RRAGC: variants seen among roughly 807,000 people sequenced by gnomAD.
The protein encoded by RRAGC is Ras related GTP binding C.
A neutral mutation model predicts 37.1 loss-of-function variants in RRAGC; 8 were observed. The observed-to-expected ratio is 0.22, with a 90% CI of 0.13 to 0.39. The LOEUF (loss-of-function observed/expected upper bound fraction) is 0.39. RRAGC is among the 10% of genes least tolerant of loss of function. RRAGC has a pLI of 1.00. For synonymous variants in RRAGC, 190 were observed against 181.1 expected, an observed-to-expected ratio of 1.05 and a Z score of -0.39; for missense variants, 342 against 497.6, an observed-to-expected ratio of 0.69 and a Z score of 2.98.
At chr1:38,859,037 G>A (rs377342988) in intron 1 of RRAGC, among the ~76,000 whole-genome samples, 1 of 152,236 alleles carries the variant, frequency 6.6e-6, no homozygotes, top group Admixed American at 6.5e-5. Context: ...CCTGAAGTGA[G>A]AACAAATCAA....
chr1:38,848,051 A>AAAAG (rs1557585451), intron 5 of RRAGC: 1 of 151,132 alleles, frequency 6.6e-6, no homozygotes, highest in Non-Finnish European at 1.5e-5. Context: ...AAAAAAAAAA[A>AAAAG]GGTAGGAACT....
intron 6 of RRAGC, 89 bp from the exon 7 acceptor site, chr1:38,839,793 AAC>A: frequency 7.6e-7 from 1 of 1,314,414 alleles, no homozygotes; most frequent in Non-Finnish European, 1.1e-6. Flanking sequence ...AACTCGGATA[AAC>A]ACTGGTTGGA....
At chr1:38,841,271 G>C (rs1371446346) in intron 6 of RRAGC, among the ~76,000 whole-genome samples, 3 of 152,134 alleles carry the variant, frequency 2.0e-5, no homozygotes, top group Non-Finnish European at 1.5e-5. Context: ...CATGATTGAA[G>C]TGTGTGGGAA....
At chr1:38,848,753 G>A (rs1162896055) in intron 5 of RRAGC, among the ~76,000 whole-genome samples, 1 of 152,114 alleles carries the variant, frequency 6.6e-6, no homozygotes, top group South Asian at 2.1e-4. Flanking sequence ...GGGAGACTAA[G>A]ACGGGAATAT....
chr1:38,856,250 T>G (rs76189688), intron 2 of RRAGC, among the ~76,000 whole-genome samples: 1,842 of 152,344 alleles, frequency 0.012, 57 homozygotes, highest in African/African-American at 0.042. Context: ...ATCTCAGTTT[T>G]CTCATCTGTA....
chr1:38,857,077 C>A lies in RRAGC; in HGVS notation c.243G>T (p.Val81=). 6.2e-7 allele frequency: 1 copy of A among 1,609,750 alleles called. No individual in the cohort carries two copies. Among genetic ancestry groups the A allele is most frequent in the Non-Finnish European group, 8.5e-7 (1 of 1,176,342 alleles). ...RSGKSSIQKV[V]FHKMSPNETL... ...TCTCGTTGGGTGACATCTTATGAAA[C>A]ACCACCTGTTAAAAGAAAACAGGCA... Residue 81 remains valine, a synonymous_variant, in exon 2 of 7, where the codon GTG becomes GTT. Transcript: ENST00000373001.
intron 6 of RRAGC, among the ~76,000 whole-genome samples, chr1:38,843,503 G>A (rs761802897): frequency 1.1e-4 from 17 of 152,024 alleles, no homozygotes; most frequent in East Asian, 1.9e-4. Flanking sequence ...GGCAGATCAC[G>A]AGGTCAGGAG....
intron 1 of RRAGC, 94 bp downstream of exon 1, chr1:38,859,316 A>T: frequency 8.7e-7 from 1 of 1,149,608 alleles, no homozygotes; most frequent in East Asian, 2.6e-5. Flanking sequence ...GACGGAGCGC[A>T]GGCGGGCCCC....
At chr1:38,844,644 C>A (rs1296306992) in intron 6 of RRAGC, among the ~76,000 whole-genome samples, 1 of 152,084 alleles carries the variant, frequency 6.6e-6, no homozygotes, top group African/African-American at 2.4e-5. Context: ...AAGGAGGTAA[C>A]CTGGTAACTT....
chr1:38,856,167 CATA>C (rs1421971650), intron 2 of RRAGC, among the ~76,000 whole-genome samples: 1 of 152,060 alleles, frequency 6.6e-6, no homozygotes, highest in Non-Finnish European at 1.5e-5. Flanking sequence ...TTTTTCCCAA[CATA>C]ATTTTTTTAA....
At position 38,839,297 on chromosome 1, in the gene RRAGC, A is replaced by T. The variant is rs1641920976; in HGVS notation, c.*256T>A. 5.5e-6 allele frequency: 2 copies of T among 365,916 alleles called. No homozygotes were observed. Among genetic ancestry groups the T allele is most frequent in the Non-Finnish European group, 9.8e-6 (2 of 205,104 alleles). 22.7% of individuals were successfully genotyped at this position (365,916 alleles called of 1,614,324 possible). A position where few individuals can be genotyped will look rare whatever the true frequency, so the allele number is the denominator to read the frequency against. On this transcript the variant is annotated 3_prime_UTR_variant, in exon 7 of 7. Transcript: ENST00000373001. ...CTACTTAAAGGGGACCCAAAAGAGG[A>T]GAAACACACACTTGAGTTCTGTGGT... is the stretch of plus-strand genomic sequence containing the variant.
At chr1:38,854,843 CG>C (rs1022255063) in intron 3 of RRAGC, among the ~76,000 whole-genome samples, 1 of 152,064 alleles carries the variant, frequency 6.6e-6, no homozygotes, top group Middle Eastern at 3.2e-3. Context: ...AACAATAGAA[CG>C]GGGACAGAGA....
intron 1 of RRAGC, among the ~76,000 whole-genome samples, chr1:38,858,825 CA>C (rs1299947028): frequency 2.0e-5 from 3 of 152,242 alleles, no homozygotes; most frequent in Non-Finnish European, 4.4e-5. Context: ...CACACCCCTA[CA>C]GGGGGAACAG....
At chr1:38,857,974 A>AT (rs1205727137) in intron 1 of RRAGC, among the ~76,000 whole-genome samples, 1 of 152,220 alleles carries the variant, frequency 6.6e-6, no homozygotes, top group Non-Finnish European at 1.5e-5. Flanking sequence ...AACAAAAAAA[A>AT]AAGGATCACA....
At position 38,858,567 on chromosome 1, in the gene RRAGC, G is replaced by A. The variant is rs562704084; in HGVS notation, c.237+843C>T. Among the ~76,000 whole-genome samples the A allele has an allele frequency of 1.5e-4, 23 of 152,292 alleles. No individual in the cohort carries two copies. In the South Asian group the frequency reaches 4.8e-3, roughly 32 times the overall value. On this transcript the variant is annotated intron_variant, in intron 1 of 6. Coordinates refer to ENST00000373001, the MANE Select transcript of RRAGC (RefSeq NM_022157.4). ...ACAATAATTAGCCGGGCGTGGTGGC[G>A]CGCGCCTGTAATCCCAGCTATTCGG...
chr1:38,847,394 G>A (rs1321745009), intron 5 of RRAGC: 1 of 151,736 alleles, frequency 6.6e-6, no homozygotes, highest in Non-Finnish European at 1.5e-5. Flanking sequence ...AGGAATGCTT[G>A]AGCTTTGGAA....
intron 6 of RRAGC, among the ~76,000 whole-genome samples, chr1:38,844,410 G>C (rs372171105): frequency 6.8e-6 from 1 of 146,888 alleles, no homozygotes; most frequent in African/African-American, 2.5e-5. Context: ...TAGAAAATAC[G>C]CAAGCAGAAA....
At chr1:38,846,243 T>C in intron 5 of RRAGC, 156 bp from the exon 6 acceptor site, 1 of 602,014 alleles carries the variant, frequency 1.7e-6, no homozygotes, top group Non-Finnish European at 2.9e-6. Context: ...GGTATAGTGT[T>C]CCTAAACACA....
intron 2 of RRAGC, among the ~76,000 whole-genome samples, chr1:38,856,133 GA>G (rs1290777631): frequency 2.0e-5 from 3 of 151,916 alleles, no homozygotes; most frequent in Non-Finnish European, 2.9e-5. Flanking sequence ...ATTAATTTAA[GA>G]AAGAAAAAAA....
Sources: gnomAD v4.1 joint callset for allele counts (sites outside exome capture counted in the v4.1 genomes callset) on GRCh38, gnomAD v4.1.1 for gene constraint, MANE v1.5 for transcripts, NCBI Gene and HGNC (gene_info 2026-07-23, HGNC 2026-07-21) for gene names.